CAMTA2: variants seen among roughly 807,000 people sequenced by gnomAD.
The protein encoded by CAMTA2 is calmodulin-binding transcription activator 2.
In CAMTA2, 56 loss-of-function variants were observed where a neutral mutation model predicts 135.7. The ratio of observed to expected loss-of-function variants is 0.41; its 90% CI spans 0.33 to 0.52. CAMTA2 has a LOEUF of 0.52. Among genes scored for constraint, CAMTA2 ranks in the 20% least tolerant of loss-of-function variants. The pLI, the probability that CAMTA2 is intolerant of heterozygous loss-of-function variation, is 0.16. For synonymous variants in CAMTA2, 591 were observed against 604.6 expected (o/e 0.98, Z 0.33); for missense variants, 1,358 against 1,553.4 (o/e 0.87, Z 2.11).
chr17:4,981,851 C>T lies in CAMTA2; in HGVS notation c.412-20G>A, dbSNP rs938240012. On this transcript the variant is annotated intron_variant, in intron 6 of 22. Coordinates refer to ENST00000348066, the MANE Select transcript of CAMTA2 (RefSeq NM_015099.4). ...AGGGTTCTGAGAGTATAAGGGGACA[C>T]ACAGAGCCATGGGGTCCTGAGGTCC... is the stretch of plus-strand genomic sequence containing the variant. The T allele has an allele frequency of 1.9e-6, 3 of 1,580,248 alleles. No individual in the cohort carries two copies. Among genetic ancestry groups the T allele is most frequent in the Non-Finnish European group, 2.6e-6 (3 of 1,159,754 alleles).
intron 13 of CAMTA2, 72 bp downstream of exon 13, chr17:4,973,513 C>T: frequency 1.4e-6 from 2 of 1,473,926 alleles, no homozygotes; most frequent in Non-Finnish European, 1.8e-6. Flanking sequence ...CCAGGTCCTC[C>T]AATTCCTCTT....
chr17:4,973,750 C>G lies in CAMTA2; in HGVS notation c.2036G>C (p.Gly679Ala), dbSNP rs765624833. The G allele has an allele frequency of 7.5e-6, 12 of 1,610,580 alleles. No homozygotes were observed. The South Asian group carries it at 1.1e-4, about 15-fold the overall frequency. ...CAAGACCACTACCCGTGCTTCGAACCCAGGCCCCTGGCCTTCATCCTGCGA... is the reference window on the plus strand; with the variant it reads ...CAAGACCACTACCCGTGCTTCGAACGCAGGCCCCTGGCCTTCATCCTGCGA... ...PPVQDEGQGPGFEARVVVLVE... is the reference protein window; with the variant it reads ...PPVQDEGQGPAFEARVVVLVE... Residue 679 changes from glycine to alanine, a missense_variant, in exon 13 of 23, where the codon GGG (glycine) becomes GCG (alanine). Gly to Ala is a moderately conservative substitution (Grantham distance 60). Transcript: ENST00000348066.
chr17:4,982,109 G>A lies in CAMTA2; in HGVS notation c.391C>T (p.Arg131Cys). Reference sequence around the variant, plus strand: ...CTTACCTGGAGCAGCCAGTAGCAGCGCCGATGGAATGTGGGGACGATGGAA... The same window carrying A: ...CTTACCTGGAGCAGCCAGTAGCAGCACCGATGGAATGTGGGGACGATGGAA... ...HSSIVPTFHR[R>C]CYWLLQNPDI... is the part of the protein sequence containing the mutation. The change falls in exon 6 of 23, where the codon CGC becomes TGC. Residue 131 changes from arginine (R) to cysteine (C), a missense_variant. By Grantham distance (180) the Arg-to-Cys change is radical. Around this residue, in one of 4 missense-constraint regions of CAMTA2, gnomAD observed 105 missense variants for 190.9 expected, o/e 0.55. Transcript: ENST00000348066. 1.2e-6 allele frequency: 2 copies of A among 1,612,562 alleles called. No homozygotes were observed. Among genetic ancestry groups the A allele is most frequent in the Non-Finnish European group, 1.7e-6 (2 of 1,179,290 alleles).
chr17:4,984,742 C>T (rs542704743), intron 3 of CAMTA2, among the ~76,000 whole-genome samples: 12 of 152,272 alleles, frequency 7.9e-5, no homozygotes, highest in African/African-American at 9.6e-5. Flanking sequence ...AGGTTCCAGC[C>T]GGGCGTGGTG....
Position 4,973,224 on chromosome 17 carries a change from T to G in CAMTA2, c.2231A>C (p.Glu744Ala). Residue 744 changes from glutamate to alanine, a missense_variant, in exon 14 of 23, where the codon GAG becomes GCG. Glu to Ala is a moderately radical substitution (Grantham distance 107, BLOSUM62 -1). Around this residue, in one of 4 missense-constraint regions of CAMTA2, gnomAD observed 1,077 missense variants for 1,127.5 expected, o/e 0.96. Coordinates refer to ENST00000348066, the MANE Select transcript of CAMTA2 (RefSeq NM_015099.4). ...RSVETGSLDL[E>A]QEVDPLNVDH... is the part of the protein sequence containing the mutation. ...CACGTTGAGCGGGTCAACCTCCTGC[T>G]CTAAGTCCAAGCTTCCAGTCTCCAC... 1 of 1,613,958 alleles carries G rather than the reference T, an allele frequency of 6.2e-7. No homozygotes were observed. Among genetic ancestry groups the G allele is most frequent in the Admixed American group, 1.7e-5 (1 of 60,006 alleles).
chr17:4,978,698 C>A, intron 9 of CAMTA2, 68 bp from the exon 10 acceptor site: 1 of 1,549,428 alleles, frequency 6.5e-7, no homozygotes, highest in South Asian at 1.2e-5. Flanking sequence ...TTCATTTATT[C>A]AGACCCTTAC....
At chr17:4,970,115 G>T (rs1393543895) in intron 17 of CAMTA2, 30 bp from the exon 18 acceptor site, 2 of 1,601,236 alleles carry the variant, frequency 1.2e-6, no homozygotes, top group South Asian at 2.2e-5. Flanking sequence ...AGGGTGTCAT[G>T]AAGCATCTGA....
Position 4,980,289 on chromosome 17 carries a change from C to T in CAMTA2, c.1033G>A (p.Ala345Thr). The change falls in exon 9 of 23, where the codon GCT becomes ACT. Residue 345 changes from alanine to threonine, a missense_variant. By Grantham distance (58) the Ala-to-Thr change is moderately conservative. This residue lies in a region of CAMTA2 where 1,077 missense variants were observed against 1,127.5 expected (regional missense o/e 0.96). Coordinates refer to ENST00000348066, the MANE Select transcript of CAMTA2 (RefSeq NM_015099.4). This position sits in a 1 kb window ranked among gnomAD's most constrained non-coding sequence, Gnocchi z 5.3. ...AGGLTPTRHL[A>T]PQADPRPSMS... ...GAAGGCCTAGGATCAGCCTGTGGAG[C>T]CAAGTGCCTGGTGGGCGTCAAGCCT... 6.2e-7 allele frequency: 1 copy of T among 1,609,038 alleles called. No individual in the cohort carries two copies. Among genetic ancestry groups the T allele is most frequent in the Non-Finnish European group, 8.5e-7 (1 of 1,177,002 alleles).
At chr17:4,978,381 T>G in intron 10 of CAMTA2, 123 bp downstream of exon 10, 1 of 1,033,924 alleles carries the variant, frequency 9.7e-7, no homozygotes, top group Non-Finnish European at 1.4e-6. Context: ...CAGGACTGGA[T>G]GAAGTCCTTG....
At chr17:4,983,216 G>T in intron 3 of CAMTA2, 173 bp from the exon 4 acceptor site, 1 of 599,396 alleles carries the variant, frequency 1.7e-6, no homozygotes, top group Non-Finnish European at 3.0e-6. Context: ...CCCTTCTTTT[G>T]TCCTAAGACA....
chr17:4,972,039 C>A (rs538399509), intron 16 of CAMTA2, among the ~76,000 whole-genome samples, 193 bp downstream of exon 16: 4 of 152,264 alleles, frequency 2.6e-5, no homozygotes, highest in Admixed American at 6.5e-5. Context: ...GAATTTTCAA[C>A]CTCCGCTGCC....
chr17:4,970,094 G>C lies in CAMTA2; in HGVS notation c.3006-9C>G. ...GCTCAAAGGGCAGTTCGCTGTAGGC[G>C]GTAGGGAAAGAGGGTGTCATGAAGC... is the stretch of plus-strand genomic sequence containing the variant. On this transcript the variant is annotated splice_polypyrimidine_tract_variant and intron_variant, in intron 17 of 22. Transcript: ENST00000348066. The C allele has an allele frequency of 2.5e-6, 4 of 1,612,556 alleles. No individual in the cohort carries two copies. The highest frequency in any genetic ancestry group is 3.4e-6 in the Non-Finnish European group (4 of 1,179,154).
Position 4,969,243 on chromosome 17 carries a change from C to CT in CAMTA2, c.3376_3377insA (p.Arg1126GlnfsTer95). The CT allele has an allele frequency of 6.2e-7, 1 of 1,613,678 alleles. No individual in the cohort carries two copies. The highest frequency in any genetic ancestry group is 8.5e-7 in the Non-Finnish European group (1 of 1,179,968). ...GTGCTGCTGGATGAGCACAGCCGCT[C>CT]GGCGGCTCTGCTGAAATCGCTTCTG... is the stretch of plus-strand genomic sequence containing the variant. On this transcript the variant is annotated frameshift_variant, in exon 21 of 23. Coordinates refer to ENST00000348066, the MANE Select transcript of CAMTA2 (RefSeq NM_015099.4). LOFTEE classifies it high-confidence loss of function. This position sits in a 1 kb window ranked among gnomAD's most constrained non-coding sequence, Gnocchi z 5.6.
chr17:4,982,180 G>T lies in CAMTA2; in HGVS notation c.340-20C>A. 5.1e-6 allele frequency: 4 copies of T among 789,802 alleles called. No homozygotes were observed. Among genetic ancestry groups the T allele is most frequent in the South Asian group, 1.3e-5 (1 of 74,988 alleles). 48.9% of individuals were successfully genotyped at this position (789,802 alleles called of 1,614,324 possible). ...GAGACACTGCCAGGAGACAGGCTGG[G>T]GTGGGGGGAGGGCTAGTCTGCTCCC... On this transcript the variant is annotated intron_variant, in intron 5 of 22. Transcript: ENST00000348066.
intron 10 of CAMTA2, 51 bp from the exon 11 acceptor site, chr17:4,977,243 C>G (rs1567691385): frequency 3.1e-6 from 5 of 1,594,444 alleles, no homozygotes; most frequent in South Asian, 1.1e-5. Flanking sequence ...GGCTCCTTCT[C>G]TGGCTACCTG....
chr17:4,973,030 G>T, intron 14 of CAMTA2, 39 bp from the exon 15 acceptor site: 1 of 1,567,564 alleles, frequency 6.4e-7, no homozygotes, highest in Non-Finnish European at 8.8e-7. Context: ...CGGAGGTGGA[G>T]GTGAGGCCAG....
intron 16 of CAMTA2, 135 bp downstream of exon 16, chr17:4,972,097 A>G (rs1252921192): frequency 5.4e-6 from 4 of 737,374 alleles, no homozygotes; most frequent in African/African-American, 5.3e-5. Context: ...GCAAAAGGCT[A>G]CCTTGCCTGT....
Position 4,979,647 on chromosome 17 carries a change from T to C in CAMTA2, c.1638+37A>G, listed in dbSNP as rs746946733. ...TTGTTTTGGGGAGTCAGAAGACAAA[T>C]AGGAGGGAGGAGGGAGGAGGTAAGC... is the stretch of plus-strand genomic sequence containing the variant. On this transcript the variant is annotated intron_variant, in intron 9 of 22. Coordinates refer to ENST00000348066, the MANE Select transcript of CAMTA2 (RefSeq NM_015099.4). 9.8e-6 allele frequency: 14 copies of C among 1,435,714 alleles called. No homozygotes were observed. The East Asian group carries it at 1.1e-4, about 12-fold the overall frequency. 88.9% of individuals were successfully genotyped at this position (1,435,714 alleles called of 1,614,324 possible).
rs1373548726 is a variant in CAMTA2 at position 4,987,674 on chromosome 17, C to G, written c.-146G>C. ...CCCCAGCGCCGGCTGACAGCGGCGTCTAACGTCACTGCGCACGGGGCGGGG... is the reference window on the plus strand; with the variant it reads ...CCCCAGCGCCGGCTGACAGCGGCGTGTAACGTCACTGCGCACGGGGCGGGG... On this transcript the variant is annotated 5_prime_UTR_variant, in exon 1 of 23. Transcript: ENST00000348066. The G allele has an allele frequency of 6.6e-7, 1 of 1,507,664 alleles. No homozygotes were observed. The highest frequency in any genetic ancestry group is 8.9e-7 in the Non-Finnish European group (1 of 1,128,290). The allele number at this position is 1,507,664 out of a possible 1,614,324, so 93.4% of individuals were successfully genotyped here. A position where few individuals can be genotyped will look rare whatever the true frequency, so the allele number is the denominator to read the frequency against.
Sources: gnomAD v4.1 joint callset for allele counts (sites outside exome capture counted in the v4.1 genomes callset) on GRCh38, gnomAD v4.1.1 for gene constraint, gnomAD v4.1.1 regional missense constraint, Gnocchi (gnomAD v3.1) non-coding constraint, MANE v1.5 for transcripts, NCBI Gene and HGNC (gene_info 2026-07-23, HGNC 2026-07-21) for gene names.